The following ALDH18A1 variants were observed in gnomAD, a reference collection of about 807,000 sequenced individuals.
ALDH18A1 encodes the protein delta-1-pyrroline-5-carboxylate synthase.
A neutral mutation model predicts 88.8 loss-of-function variants in ALDH18A1; 44 were observed. The ratio of observed to expected loss-of-function variants is 0.50; its 90% CI spans 0.39 to 0.64. The LOEUF is 0.64. ALDH18A1 is among the 30% of genes least tolerant of loss of function. ALDH18A1 has a pLI of 0.00. For missense variants in ALDH18A1, 782 were observed against 1,009.5 expected, an observed-to-expected ratio of 0.77 and a Z score of 3.05; for synonymous variants, 331 against 372.1, an observed-to-expected ratio of 0.89 and a Z score of 1.27.
intron 1 of ALDH18A1, among the ~76,000 whole-genome samples, chr10:95,654,149 G>A (rs1307136765): frequency 2.7e-5 from 4 of 150,268 alleles, no homozygotes; most frequent in African/African-American, 9.8e-5. Flanking sequence ...GGGAGAACAA[G>A]CCATTCATTA....
Position 95,640,066 on chromosome 10 carries a change from C to T in ALDH18A1, c.304-2630G>A, listed in dbSNP as rs78149598. ...AGATCCATTATTCCATTAGGAGATG[C>T]AAAATGCTGACACTCTAACTCAATG... On this transcript the variant is annotated intron_variant, in intron 3 of 17. Transcript: ENST00000371224. 3.5e-3 allele frequency among the ~76,000 whole-genome samples: 529 copies of T among 152,238 alleles called. 4 individuals are homozygous for T. Among genetic ancestry groups the T allele is most frequent in the African/African-American group, 0.012 (504 of 41,550 alleles).
chr10:95,639,979 G>A (rs543534741), intron 3 of ALDH18A1, among the ~76,000 whole-genome samples: 1 of 151,994 alleles, frequency 6.6e-6, no homozygotes, highest in East Asian at 1.9e-4. Flanking sequence ...TCATCAAGGG[G>A]ATACATAATG....
At chr10:95,619,784 A>G (rs996812944) in intron 12 of ALDH18A1, among the ~76,000 whole-genome samples, 9 of 152,224 alleles carry the variant, frequency 5.9e-5, no homozygotes, top group Admixed American at 2.6e-4. Flanking sequence ...TACAAAAATT[A>G]ATTCAAGATG....
At chr10:95,607,032 C>T in intron 17 of ALDH18A1, 89 bp from the exon 18 acceptor site, 61 of 1,324,748 alleles carry the variant, frequency 4.6e-5, no homozygotes, top group South Asian at 2.1e-4. Flanking sequence ...TTTCCCCTCA[C>T]TTGGTACCCT....
chr10:95,619,035 G>C (rs927284612), intron 12 of ALDH18A1, among the ~76,000 whole-genome samples: 9 of 152,100 alleles, frequency 5.9e-5, no homozygotes, highest in African/African-American at 2.2e-4. Context: ...TTGGTTAAAA[G>C]ACCTTCACAC....
intron 7 of ALDH18A1, among the ~76,000 whole-genome samples, chr10:95,631,899 CAT>C (rs1350055646): frequency 1.3e-5 from 2 of 152,038 alleles, no homozygotes; most frequent in Non-Finnish European, 2.9e-5. Context: ...ACAGAGTTAC[CAT>C]ATGACCCTGC....
intron 2 of ALDH18A1, among the ~76,000 whole-genome samples, chr10:95,646,267 G>A (rs1212052771): frequency 6.6e-6 from 1 of 152,174 alleles, no homozygotes; most frequent in African/African-American, 2.4e-5. Flanking sequence ...GTCTGTCCAG[G>A]TGATCAAATG....
intron 3 of ALDH18A1, among the ~76,000 whole-genome samples, chr10:95,642,788 C>G (rs2097894204): frequency 6.6e-6 from 1 of 152,224 alleles, no homozygotes; most frequent in Admixed American, 6.5e-5. Flanking sequence ...GAAATCACCC[C>G]TACTCCTTAA....
In ALDH18A1 at chr10:95,606,702, A is replaced by C; in HGVS notation, c.*60T>G. 6.2e-7 allele frequency: 1 copy of C among 1,613,446 alleles called. No homozygotes were observed. Among genetic ancestry groups the C allele is most frequent in the Non-Finnish European group, 8.5e-7 (1 of 1,179,820 alleles). On this transcript the variant is annotated 3_prime_UTR_variant, in exon 18 of 18. Coordinates refer to ENST00000371224, the MANE Select transcript of ALDH18A1 (RefSeq NM_002860.4). ...GGAGACAAGAGCGGGCTCTCTCCTG[A>C]GATAAGACAAGTTTAACGTGAAGAC...
chr10:95,607,543 C>T (rs2097825057), intron 17 of ALDH18A1, among the ~76,000 whole-genome samples: 1 of 152,162 alleles, frequency 6.6e-6, no homozygotes, highest in Non-Finnish European at 1.5e-5. Flanking sequence ...CCTCAATCAT[C>T]ACAACTTTAC....
At chr10:95,619,648 T>C (rs1241799259) in intron 12 of ALDH18A1, among the ~76,000 whole-genome samples, 1 of 152,108 alleles carries the variant, frequency 6.6e-6, no homozygotes, top group African/African-American at 2.4e-5. Flanking sequence ...TCTACAACCA[T>C]CTGATTTTTG....
intron 11 of ALDH18A1, among the ~76,000 whole-genome samples, chr10:95,624,956 T>C (rs764496980): frequency 3.3e-5 from 5 of 152,200 alleles, no homozygotes; most frequent in Non-Finnish European, 5.9e-5. Context: ...TAATAAGTAG[T>C]AGCTATCTCA....
chr10:95,647,537 A>C (rs1230327758), intron 2 of ALDH18A1, among the ~76,000 whole-genome samples: 1 of 152,236 alleles, frequency 6.6e-6, no homozygotes, highest in African/African-American at 2.4e-5. Context: ...TTTTGTTATA[A>C]TGTTGGTGTA....
intron 2 of ALDH18A1, 98 bp downstream of exon 2, chr10:95,653,192 C>T: frequency 8.3e-7 from 1 of 1,208,970 alleles, no homozygotes; most frequent in South Asian, 1.2e-5. Flanking sequence ...TGTCTCCAAA[C>T]AAACAAACAA....
chr10:95,637,313 A>C lies in ALDH18A1; in HGVS notation c.427T>G (p.Ser143Ala), dbSNP rs2139621888. 17 of 1,614,188 alleles carry C rather than the reference A, an allele frequency of 1.1e-5. No homozygotes were observed. Among genetic ancestry groups the C allele is most frequent in the Non-Finnish European group, 1.4e-5 (16 of 1,180,034 alleles). ...LSQSVRQALH[S>A]GQNQLKEMAI... Reference sequence around the variant, plus strand: ...ATTTCTTTCAGCTGGTTCTGCCCCGAGTGGAGGGCCTGCCGCACGCTCTGA... The same window carrying C: ...ATTTCTTTCAGCTGGTTCTGCCCCGCGTGGAGGGCCTGCCGCACGCTCTGA... Residue 143 changes from serine (S) to alanine (A), a missense_variant, in exon 4 of 18, where the codon TCG (serine) becomes GCG (alanine). This residue lies in a region of ALDH18A1 where 132 missense variants were observed against 255.5 expected (regional missense o/e 0.52). Transcript: ENST00000371224.
intron 16 of ALDH18A1, 72 bp from the exon 17 acceptor site, chr10:95,610,364 G>A: frequency 6.7e-7 from 1 of 1,485,560 alleles, no homozygotes; most frequent in Non-Finnish European, 9.3e-7. Flanking sequence ...GCCATTGACT[G>A]GTGACAGATC....
chr10:95,639,850 T>C (rs1406710008), intron 3 of ALDH18A1, among the ~76,000 whole-genome samples: 2 of 152,144 alleles, frequency 1.3e-5, no homozygotes, highest in Non-Finnish European at 2.9e-5. Context: ...AGCCTACATT[T>C]TCCCAATTGT....
At chr10:95,651,589 A>G (rs2097910562) in intron 2 of ALDH18A1, among the ~76,000 whole-genome samples, 1 of 152,190 alleles carries the variant, frequency 6.6e-6, no homozygotes, top group Non-Finnish European at 1.5e-5. Context: ...ATCATGGCAG[A>G]AGGCAAAGGG....
At position 95,605,989 on chromosome 10, in the gene ALDH18A1, A is replaced by G. The variant is rs1395242354; in HGVS notation, c.*773T>C. 1 of 152,974 alleles carries G rather than the reference A, an allele frequency of 6.5e-6. No individual in the cohort carries two copies. The highest frequency in any genetic ancestry group is 1.5e-5 in the Non-Finnish European group (1 of 68,696). 9.5% of individuals were successfully genotyped at this position (152,974 alleles called of 1,614,324 possible). The stretch of plus-strand genomic sequence containing the variant: ...CAAAAAAGGGGGAAGAATCCAAAGT[A>G]TTAAAATAATCCTCTAATTTTTGTT... On this transcript the variant is annotated 3_prime_UTR_variant, in exon 18 of 18. Transcript: ENST00000371224.
Sources: allele counts gnomAD v4.1 joint callset (sites outside exome capture counted in the v4.1 genomes callset), GRCh38; gene constraint gnomAD v4.1.1; regional missense constraint gnomAD v4.1.1; transcripts MANE v1.5; gene names NCBI Gene and HGNC (gene_info 2026-07-23, HGNC 2026-07-21).